FNIP2: variants seen among roughly 807,000 people sequenced by gnomAD.
FNIP2 encodes folliculin interacting protein 2, also known as folliculin-interacting protein 2.
Under a neutral mutation model 108.7 loss-of-function variants are expected in FNIP2, and 32 were observed. The observed-to-expected ratio is 0.29, with a 90% CI of 0.22 to 0.40. The LOEUF (loss-of-function observed/expected upper bound fraction) is 0.40, where lower values mean the gene tolerates loss of function less well. FNIP2 is among the 10% of genes least tolerant of loss of function. The probability of loss-of-function intolerance (pLI) is 1.00; values close to 1 mark genes in which losing one functional copy is unlikely to be tolerated. For missense variants in FNIP2, 1,202 were observed against 1,381.6 expected (o/e 0.87, Z 2.06); for synonymous variants, 480 against 496.7 (o/e 0.97, Z 0.45).
At chr4:158,859,020 A>T in intron 8 of FNIP2, 37 bp from the exon 9 acceptor site, 1 of 1,590,898 alleles carries the variant, frequency 6.3e-7, no homozygotes, top group Non-Finnish European at 8.6e-7. Context: ...TGACTCACTG[A>T]TGCATGGCAA....
chr4:158,860,412 G>T (rs974258230), intron 10 of FNIP2, among the ~76,000 whole-genome samples: 1 of 151,204 alleles, frequency 6.6e-6, no homozygotes, highest in African/African-American at 2.4e-5. Context: ...GAGCAAAATC[G>T]CAAGCCTTTT....
intron 16 of FNIP2, among the ~76,000 whole-genome samples, chr4:158,898,788 A>G (rs764479003): frequency 7.9e-5 from 12 of 152,328 alleles, no homozygotes; most frequent in South Asian, 2.1e-4. Flanking sequence ...AAACAGAGAC[A>G]ATTTGACTTC....
chr4:158,868,001 T>C lies in FNIP2; in HGVS notation c.1466-101T>C. On this transcript the variant is annotated intron_variant, in intron 12 of 16. Transcript: ENST00000264433. This position sits in a 1 kb window ranked among gnomAD's most constrained non-coding sequence, Gnocchi z 4.6. ...ATGAGTCTGAAGCAGGGACTCCAGA[T>C]TGGGAATATAAGTTATCTGTTTTGC... is the stretch of plus-strand genomic sequence containing the variant. 2 of 1,461,508 alleles carry C rather than the reference T, an allele frequency of 1.4e-6. No individual in the cohort carries two copies. Among genetic ancestry groups the C allele is most frequent in the Non-Finnish European group, 1.9e-6 (2 of 1,079,576 alleles). The allele number at this position is 1,461,508 out of a possible 1,614,324, so 90.5% of individuals were successfully genotyped here.
At chr4:158,869,516 A>G (rs922368000) in intron 13 of FNIP2, 88 bp downstream of exon 13, 7 of 1,428,272 alleles carry the variant, frequency 4.9e-6, no homozygotes, top group African/African-American at 4.3e-5. Context: ...AGCCACTACT[A>G]TTGTCTGCTT....
intron 7 of FNIP2, among the ~76,000 whole-genome samples, chr4:158,839,515 A>G (rs1261237863): frequency 1.3e-5 from 2 of 151,500 alleles, no homozygotes; most frequent in Non-Finnish European, 2.9e-5. Flanking sequence ...ACAGTCATGC[A>G]CCACCACACC....
At chr4:158,789,961 G>A (rs767758905) in intron 1 of FNIP2, among the ~76,000 whole-genome samples, 3 of 152,074 alleles carry the variant, frequency 2.0e-5, no homozygotes, top group African/African-American at 4.8e-5. Flanking sequence ...AGTGATACTA[G>A]GGAATAACTT....
chr4:158,867,216 A>G (rs1211731328), intron 12 of FNIP2, among the ~76,000 whole-genome samples: 2 of 151,934 alleles, frequency 1.3e-5, no homozygotes, highest in African/African-American at 2.4e-5. Context: ...TTTCTGAGAC[A>G]GAGTCTCATG....
chr4:158,884,761 C>T (rs183165424), intron 14 of FNIP2, among the ~76,000 whole-genome samples: 6 of 152,110 alleles, frequency 3.9e-5, no homozygotes, highest in Non-Finnish European at 7.4e-5. Flanking sequence ...ACAATCATGG[C>T]GGAAGGTGAA....
intron 16 of FNIP2, among the ~76,000 whole-genome samples, chr4:158,899,947 G>A (rs991271809): frequency 3.9e-5 from 6 of 151,982 alleles, no homozygotes; most frequent in Admixed American, 6.6e-5. Flanking sequence ...TTAGGGTGTC[G>A]ATTTTAGATC....
At chr4:158,778,694 G>GA (rs1183107241) in intron 1 of FNIP2, among the ~76,000 whole-genome samples, 1 of 152,128 alleles carries the variant, frequency 6.6e-6, no homozygotes, top group Non-Finnish European at 1.5e-5. Flanking sequence ...GTATGTATGG[G>GA]AAAAAACATA....
chr4:158,854,020 C>G (rs1350945110), intron 8 of FNIP2, among the ~76,000 whole-genome samples: 1 of 152,110 alleles, frequency 6.6e-6, no homozygotes, highest in Non-Finnish European at 1.5e-5. Flanking sequence ...CATATGAAAA[C>G]AGTGTATTTT....
chr4:158,868,107 C>A lies in FNIP2; in HGVS notation c.1471C>A (p.Leu491Ile). ...TGTCCACCTTTGCTCTCTAGGTGAT[C>A]TTTACGGAGCCATAGGCTCTCCAGT... ...YNPLWAQLGD[L>I]YGAIGSPVRL... is the part of the protein sequence containing the mutation. Residue 491 changes from leucine (L) to isoleucine (I), a missense_variant, in exon 13 of 17, where the codon CTT (leucine) becomes ATT (isoleucine). By Grantham distance (5) the Leu-to-Ile change is conservative. Coordinates refer to ENST00000264433, the MANE Select transcript of FNIP2 (RefSeq NM_020840.3). The surrounding 1 kb of genome is among the most constrained non-coding windows in gnomAD (Gnocchi z 4.6). The A allele has an allele frequency of 3.1e-6, 5 of 1,613,296 alleles. No individual in the cohort carries two copies. Among genetic ancestry groups the A allele is most frequent in the Non-Finnish European group, 4.2e-6 (5 of 1,179,372 alleles).
intron 7 of FNIP2, among the ~76,000 whole-genome samples, chr4:158,848,144 G>A (rs753219924): frequency 2.0e-5 from 3 of 152,214 alleles, no homozygotes; most frequent in Non-Finnish European, 2.9e-5. Context: ...AGCAAATACA[G>A]GCGGTAACCA....
At chr4:158,904,079 G>C (rs1729605693) in intron 16 of FNIP2, among the ~76,000 whole-genome samples, 1 of 152,222 alleles carries the variant, frequency 6.6e-6, no homozygotes, top group Admixed American at 6.5e-5. Context: ...TGAAAAATCA[G>C]TATGCATTTA....
chr4:158,894,496 T>G (rs1406279084), intron 15 of FNIP2, among the ~76,000 whole-genome samples: 1 of 152,172 alleles, frequency 6.6e-6, no homozygotes, highest in Non-Finnish European at 1.5e-5. Flanking sequence ...TGCTTTGATT[T>G]CACGTCTAGT....
intron 1 of FNIP2, among the ~76,000 whole-genome samples, chr4:158,820,859 C>T (rs1777845297): frequency 6.6e-6 from 1 of 152,202 alleles, no homozygotes; most frequent in Non-Finnish European, 1.5e-5. Context: ...ATGGCCTCAT[C>T]TTAACTTGAT....
chr4:158,872,601 C>T, intron 14 of FNIP2: 2 of 985,188 alleles, frequency 2.0e-6, no homozygotes, highest in South Asian at 4.7e-5. Context: ...AAAATATCTT[C>T]AGAAGTTTAA....
intron 1 of FNIP2, among the ~76,000 whole-genome samples, chr4:158,815,454 C>G (rs61556805): frequency 8.1e-4 from 123 of 151,326 alleles, no homozygotes; most frequent in African/African-American, 2.8e-3. Context: ...GCCAGCTCCG[C>G]TCACTGCAAG....
chr4:158,807,126 T>C (rs941935678), intron 1 of FNIP2, among the ~76,000 whole-genome samples: 25 of 152,206 alleles, frequency 1.6e-4, no homozygotes, highest in African/African-American at 6.0e-4. Flanking sequence ...TTTTGAGAAT[T>C]ACATTTCATT....
Sources: gnomAD v4.1 joint callset for allele counts (sites outside exome capture counted in the v4.1 genomes callset) on GRCh38, gnomAD v4.1.1 for gene constraint, Gnocchi (gnomAD v3.1) non-coding constraint, MANE v1.5 for transcripts, NCBI Gene and HGNC (gene_info 2026-07-23, HGNC 2026-07-21) for gene names.